RABL3: variants seen among roughly 807,000 people sequenced by gnomAD.
RABL3 encodes rab-like protein 3.
RABL3 carries 31 observed loss-of-function variants against 31.8 expected under a neutral mutation model. The ratio of observed to expected loss-of-function variants is 0.97; its 90% confidence interval spans 0.73 to 1.31. The LOEUF is 1.31. Ranked by LOEUF, RABL3 falls within the 40% of genes most tolerant of loss-of-function variation. The pLI is 0.00. For missense variants in RABL3, 263 were observed against 279.6 expected (o/e 0.94, Z 0.42); for synonymous variants, 97 against 99.9 (o/e 0.97, Z 0.18).
intron 3 of RABL3, among the ~76,000 whole-genome samples, chr3:120,708,055 G>C (rs1183497216): frequency 6.6e-6 from 1 of 152,072 alleles, no homozygotes; most frequent in African/African-American, 2.4e-5. Context: ...TTATCGCTAA[G>C]AATATGGACT....
intron 2 of RABL3, among the ~76,000 whole-genome samples, chr3:120,718,780 C>A (rs552198911): frequency 1.3e-5 from 2 of 152,208 alleles, no homozygotes; most frequent in Admixed American, 6.5e-5. Flanking sequence ...TAAGGTAAAC[C>A]ACACAAACAC....
rs188456495 is a variant in RABL3, at chr3:120,697,388, A to C, written c.534+1035T>G. 1.1e-3 allele frequency among the ~76,000 whole-genome samples: 165 copies of C among 152,336 alleles called. 4 individuals are homozygous for C. In the South Asian group the frequency reaches 0.014, roughly 13 times the overall value. On this transcript the variant is annotated intron_variant, in intron 5 of 7. Transcript: ENST00000273375. ...GTTGATTGTGAAGATGATGCATGTGAGATAATGTATGTAAATAACTAAAAC... is the reference window on the plus strand; with the variant it reads ...GTTGATTGTGAAGATGATGCATGTGCGATAATGTATGTAAATAACTAAAAC...
At position 120,694,239 on chromosome 3, in the gene RABL3, A is replaced by T. The variant is rs376012603; in HGVS notation, c.535-15T>A. 1.9e-6 allele frequency: 3 copies of T among 1,584,680 alleles called. No individual in the cohort carries two copies. The highest frequency in any genetic ancestry group is 1.7e-6 in the Non-Finnish European group (2 of 1,158,322). ...TTTGTGCAGTCCTAGAAGATAAAAC[A>T]TAAGATCCACAATTGAAAGTTAGGA... On this transcript the variant is annotated splice_polypyrimidine_tract_variant and intron_variant, in intron 5 of 7. Coordinates refer to ENST00000273375, the MANE Select transcript of RABL3 (RefSeq NM_173825.5).
chr3:120,731,962 G>A (rs1708888842), intron 1 of RABL3, among the ~76,000 whole-genome samples: 1 of 152,108 alleles, frequency 6.6e-6, no homozygotes, highest in Non-Finnish European at 1.5e-5. Context: ...AGCAGGCTGA[G>A]GCAGGATGAT....
At chr3:120,736,119 G>C (rs1708959458) in intron 1 of RABL3, among the ~76,000 whole-genome samples, 1 of 152,148 alleles carries the variant, frequency 6.6e-6, no homozygotes, top group African/African-American at 2.4e-5. Context: ...CTGTCTTGTT[G>C]ATCTGTCTAA....
At chr3:120,717,824 T>C (rs1708688747) in intron 2 of RABL3, among the ~76,000 whole-genome samples, 1 of 152,216 alleles carries the variant, frequency 6.6e-6, no homozygotes, top group South Asian at 2.1e-4. Flanking sequence ...ACTTGGTCAG[T>C]GTCTTGAGAA....
chr3:120,739,916 G>C (rs1709021314), intron 1 of RABL3, among the ~76,000 whole-genome samples: 1 of 152,210 alleles, frequency 6.6e-6, no homozygotes, highest in East Asian at 1.9e-4. Flanking sequence ...TGGGTGATAA[G>C]TATTAGCTAA....
chr3:120,689,942 CTAATAG>C (rs1708360358), intron 7 of RABL3, 54 bp from the exon 8 acceptor site: 2 of 1,392,448 alleles, frequency 1.4e-6, no homozygotes, highest in African/African-American at 2.9e-5. Flanking sequence ...AGTTCAAATA[CTAATAG>C]TAATTTTTCC....
intron 1 of RABL3, among the ~76,000 whole-genome samples, chr3:120,739,843 A>C (rs535903094): frequency 2.0e-5 from 3 of 152,204 alleles, no homozygotes; most frequent in Non-Finnish European, 2.9e-5. Context: ...GTTTAGCTTA[A>C]TTGTGTTAGG....
intron 2 of RABL3, among the ~76,000 whole-genome samples, chr3:120,718,335 C>G (rs763821726): frequency 5.9e-5 from 9 of 152,178 alleles, no homozygotes; most frequent in Non-Finnish European, 1.0e-4. Flanking sequence ...TAGTGCATTA[C>G]TCCTCTACCC....
At chr3:120,739,254 G>A (rs1709011903) in intron 1 of RABL3, among the ~76,000 whole-genome samples, 1 of 152,134 alleles carries the variant, frequency 6.6e-6, no homozygotes, top group Non-Finnish European at 1.5e-5. Flanking sequence ...GTGGGTGCCT[G>A]TAATCCCAGC....
chr3:120,704,370 T>C (rs1374815299), intron 4 of RABL3, among the ~76,000 whole-genome samples: 1 of 152,212 alleles, frequency 6.6e-6, no homozygotes, highest in Non-Finnish European at 1.5e-5. Flanking sequence ...TCAGTATCTG[T>C]TCATGATATT....
intron 4 of RABL3, among the ~76,000 whole-genome samples, chr3:120,703,804 T>C (rs979908096): frequency 6.6e-6 from 1 of 152,074 alleles, no homozygotes; most frequent in African/African-American, 2.4e-5. Flanking sequence ...CATTAAAAAA[T>C]TTAATGAAAT....
At chr3:120,709,636 G>T in intron 3 of RABL3, 144 bp downstream of exon 3, 1 of 566,746 alleles carries the variant, frequency 1.8e-6, no homozygotes, top group Non-Finnish European at 3.0e-6. Context: ...AAACTGGAAT[G>T]TACTATGCAG....
intron 1 of RABL3, among the ~76,000 whole-genome samples, chr3:120,734,791 A>G (rs937122430): frequency 3.9e-5 from 6 of 152,308 alleles, no homozygotes; most frequent in Non-Finnish European, 8.8e-5. Context: ...TTCTGCATCT[A>G]TTGAGATAAT....
intron 4 of RABL3, among the ~76,000 whole-genome samples, chr3:120,699,962 A>G (rs543000722): frequency 1.6e-4 from 24 of 152,316 alleles, no homozygotes; most frequent in African/African-American, 5.8e-4. Context: ...TCTGTCTCAC[A>G]TACAAAGTTT....
chr3:120,706,665 TA>T (rs556976412), intron 3 of RABL3, among the ~76,000 whole-genome samples: 52 of 149,052 alleles, frequency 3.5e-4, no homozygotes, highest in Non-Finnish European at 2.6e-4. Context: ...CATCTGAGAC[TA>T]ATCTATTCAA....
intron 4 of RABL3, among the ~76,000 whole-genome samples, chr3:120,698,960 A>G (rs1708467272): frequency 6.6e-6 from 1 of 152,234 alleles, no homozygotes; most frequent in African/African-American, 2.4e-5. Context: ...GAGTGGATTT[A>G]AGCCTCATCG....
intron 2 of RABL3, among the ~76,000 whole-genome samples, chr3:120,715,195 C>T (rs1412204171): frequency 1.3e-5 from 2 of 152,180 alleles, no homozygotes; most frequent in Admixed American, 6.5e-5. Context: ...TACTATAACA[C>T]TTGTTTTCTA....
Sources: gnomAD v4.1 joint callset for allele counts (sites outside exome capture counted in the v4.1 genomes callset) on GRCh38, gnomAD v4.1.1 for gene constraint, MANE v1.5 for transcripts, NCBI Gene and HGNC (gene_info 2026-07-23, HGNC 2026-07-21) for gene names.